BTNL8: variants seen among roughly 807,000 people sequenced by gnomAD.
BTNL8 encodes the protein butyrophilin-like protein 8.
In BTNL8, 22 loss-of-function variants were observed where a neutral mutation model predicts 36.1. That is an observed-to-expected ratio of 0.61 (90% CI 0.44 to 0.87). The LOEUF (loss-of-function observed/expected upper bound fraction) is 0.87, where lower values mean the gene tolerates loss of function less well. Among genes scored for constraint, BTNL8 ranks in the 40% least tolerant of loss-of-function variants. The pLI is 0.00. For missense variants in BTNL8, 526 were observed against 616.9 expected (o/e 0.85, Z 1.56); for synonymous variants, 203 against 235.6 (o/e 0.86, Z 1.27).
At chr5:180,934,972 G>A (rs1009145096) in intron 3 of BTNL8, among the ~76,000 whole-genome samples, 6 of 152,060 alleles carry the variant, frequency 3.9e-5, no homozygotes, top group African/African-American at 1.4e-4. Context: ...GCTTTATTGA[G>A]CAACAGAACA....
In BTNL8 at chr5:180,899,212, C is replaced by A. The variant is rs555212811; in HGVS notation, c.-99C>A. 3.4e-6 allele frequency: 5 copies of A among 1,456,012 alleles called. No homozygotes were observed. In the South Asian group the frequency reaches 5.7e-5, roughly 17 times the overall value. The allele number at this position is 1,456,012 out of a possible 1,614,324, so 90.2% of individuals were successfully genotyped here. Reference sequence around the variant, plus strand: ...GCAGAGCCTCTCCGTGGCTTCCGCACCTTGAGCATTAGGCCAGTTCTCCTC... The same window carrying A: ...GCAGAGCCTCTCCGTGGCTTCCGCAACTTGAGCATTAGGCCAGTTCTCCTC... On this transcript the variant is annotated 5_prime_UTR_variant, in exon 1 of 8. Coordinates refer to ENST00000340184, the MANE Select transcript of BTNL8 (RefSeq NM_001040462.3).
intron 3 of BTNL8, among the ~76,000 whole-genome samples, chr5:180,941,910 C>CTTTTTTTTTTTT: frequency 6.6e-6 from 1 of 151,502 alleles, no homozygotes. Context: ...ACTTTTACTA[C>CTTTTTTTTTTTT]TCTTATTCAA....
intron 3 of BTNL8, among the ~76,000 whole-genome samples, chr5:180,933,134 T>A (rs1029459143): frequency 4.6e-5 from 7 of 152,088 alleles, no homozygotes; most frequent in African/African-American, 1.7e-4. Flanking sequence ...CATATAACAA[T>A]ATAAATATAT....
At chr5:180,905,846 T>C (rs977532952) in intron 1 of BTNL8, among the ~76,000 whole-genome samples, 4 of 151,678 alleles carry the variant, frequency 2.6e-5, no homozygotes, top group African/African-American at 7.3e-5. Context: ...TTTGAGATTC[T>C]TAATCCTGAG....
chr5:180,906,048 C>G (rs1370054686), intron 1 of BTNL8, among the ~76,000 whole-genome samples: 8 of 144,176 alleles, frequency 5.5e-5, no homozygotes, highest in Non-Finnish European at 1.0e-4. Flanking sequence ...CCGCTTGGTG[C>G]AGAGCTGAGT....
intron 3 of BTNL8, among the ~76,000 whole-genome samples, chr5:180,916,990 G>A (rs1430116175): frequency 6.6e-6 from 1 of 151,832 alleles, no homozygotes; most frequent in African/African-American, 2.4e-5. Flanking sequence ...CAACAAACCA[G>A]ATAACCTAGC....
At position 180,935,244 on chromosome 5, in the gene BTNL8, C is replaced by T. The variant is rs995149009; in HGVS notation, c.674-12268C>T. 1.3e-5 allele frequency among the ~76,000 whole-genome samples: 2 copies of T among 152,178 alleles called. No individual in the cohort carries two copies. The highest frequency in any genetic ancestry group is 2.9e-5 in the Non-Finnish European group (2 of 68,030). ...CCAGCCCCCAGGCTTCAGGTCATCC[C>T]TGGCTTGAAGGTAGTTAGGGACCTG... On this transcript the variant is annotated intron_variant, in intron 3 of 7. Coordinates refer to ENST00000340184, the MANE Select transcript of BTNL8 (RefSeq NM_001040462.3). The surrounding 1 kb of genome is among the most constrained non-coding windows in gnomAD (Gnocchi z 4.8).
intron 1 of BTNL8, among the ~76,000 whole-genome samples, chr5:180,902,859 AT>A (rs1370279586): frequency 3.8e-5 from 5 of 129,922 alleles, no homozygotes; most frequent in African/African-American, 1.7e-4. Flanking sequence ...TGAACTCATC[AT>A]TTTTTATGGC....
intron 2 of BTNL8, among the ~76,000 whole-genome samples, chr5:180,910,259 AAG>A (rs1554141744): frequency 1.3e-5 from 2 of 152,018 alleles, no homozygotes; most frequent in African/African-American, 4.8e-5. Context: ...GAAAAAAAAA[AAG>A]AGGAAATAAA....
intron 1 of BTNL8, among the ~76,000 whole-genome samples, chr5:180,901,689 A>G (rs967738497): frequency 6.6e-6 from 1 of 152,194 alleles, no homozygotes; most frequent in African/African-American, 2.4e-5. Flanking sequence ...AAGCAAGACA[A>G]TGAAGAAAGT....
At chr5:180,944,132 G>T (rs1015155947) in intron 3 of BTNL8, among the ~76,000 whole-genome samples, 1 of 152,196 alleles carries the variant, frequency 6.6e-6, no homozygotes, top group Non-Finnish European at 1.5e-5. Context: ...TCTCATAGAA[G>T]TAGAGAAGTA....
At chr5:180,942,473 C>A in intron 3 of BTNL8, among the ~76,000 whole-genome samples, 1 of 152,076 alleles carries the variant, frequency 6.6e-6, no homozygotes, top group East Asian at 1.9e-4. Context: ...CAAAAGACTC[C>A]AAACAGCCAA....
At chr5:180,907,745 C>A (rs1490510839) in intron 1 of BTNL8, among the ~76,000 whole-genome samples, 1 of 152,024 alleles carries the variant, frequency 6.6e-6, no homozygotes, top group Non-Finnish European at 1.5e-5. Context: ...ACAGAGAGGA[C>A]CCTCAGCTGC....
At chr5:180,926,465 G>A (rs550566488) in intron 3 of BTNL8, among the ~76,000 whole-genome samples, 6 of 152,234 alleles carry the variant, frequency 3.9e-5, no homozygotes, top group East Asian at 1.9e-4. Context: ...GAATGGCAGC[G>A]AGACAGAACC....
intron 4 of BTNL8, chr5:180,948,065 G>A: frequency 3.1e-6 from 2 of 644,342 alleles, no homozygotes; most frequent in East Asian, 5.8e-5. Flanking sequence ...TCCCCTTGGG[G>A]GTGAGGCCAC....
At chr5:180,945,016 G>A (rs531079991) in intron 3 of BTNL8, among the ~76,000 whole-genome samples, 1 of 152,228 alleles carries the variant, frequency 6.6e-6, no homozygotes, top group South Asian at 2.1e-4. Context: ...AATAGCCAAA[G>A]CAATCTTGAG....
intron 2 of BTNL8, chr5:180,909,501 A>G: frequency 1.0e-6 from 1 of 981,286 alleles, no homozygotes; most frequent in Non-Finnish European, 1.2e-6. Flanking sequence ...AGCTCCAGGA[A>G]GCTGTGACTT....
At chr5:180,917,877 G>T (rs111248044) in intron 3 of BTNL8, among the ~76,000 whole-genome samples, 67,873 of 151,144 alleles carry the variant, frequency 0.45, 16,291 homozygotes, top group African/African-American at 0.63. Context: ...AAATACAAAA[G>T]AATTAGCCGG....
At chr5:180,931,009 T>C (rs908924980) in intron 3 of BTNL8, among the ~76,000 whole-genome samples, 1 of 151,992 alleles carries the variant, frequency 6.6e-6, no homozygotes, top group African/African-American at 2.4e-5. Flanking sequence ...GCCAAGACAA[T>C]CCTAAGCAAA....
Sources: gnomAD v4.1 joint callset for allele counts (sites outside exome capture counted in the v4.1 genomes callset) on GRCh38, gnomAD v4.1.1 for gene constraint, Gnocchi (gnomAD v3.1) non-coding constraint, MANE v1.5 for transcripts, NCBI Gene and HGNC (gene_info 2026-07-23, HGNC 2026-07-21) for gene names.